The following TMEM232 variants were observed in gnomAD, a reference collection of about 807,000 sequenced individuals.
The protein encoded by TMEM232 is transmembrane protein 232.
Under a neutral mutation model 78.8 loss-of-function variants are expected in TMEM232, and 80 were observed. The observed-to-expected ratio is 1.01, with a 90% CI of 0.85 to 1.22. The LOEUF is 1.22. Among genes scored for constraint, TMEM232 ranks in the 50% most tolerant of loss-of-function variants. The probability of loss-of-function intolerance (pLI) is 0.00; values close to 1 mark genes in which losing one functional copy is unlikely to be tolerated. For synonymous variants in TMEM232, 297 were observed against 254.3 expected, an observed-to-expected ratio of 1.17 and a Z score of -1.60; for missense variants, 881 against 742.2, an observed-to-expected ratio of 1.19 and a Z score of -2.17.
intron 12 of TMEM232, among the ~76,000 whole-genome samples, chr5:110,440,067 T>C (rs980427823): frequency 1.3e-5 from 2 of 152,136 alleles, no homozygotes; most frequent in Admixed American, 1.3e-4. Context: ...GAAAACATAA[T>C]GTGCCCCCAG....
intron 4 of TMEM232, among the ~76,000 whole-genome samples, chr5:110,389,627 A>G (rs10040963): frequency 0.26 from 39,313 of 152,166 alleles, 8,599 homozygotes; most frequent in African/African-American, 0.59. Flanking sequence ...TTCACCATCA[A>G]TTGCACACAA....
chr5:110,729,373 C>G (rs1304489880), upstream of TMEM232, among the ~76,000 whole-genome samples: 1 of 152,160 alleles, frequency 6.6e-6, no homozygotes, highest in Non-Finnish European at 1.5e-5. Context: ...CATACCACCC[C>G]CTGCTCCCTA....
intron 12 of TMEM232, among the ~76,000 whole-genome samples, chr5:110,483,860 GCATGTT>G (rs532519125): frequency 5.5e-4 from 84 of 152,200 alleles, no homozygotes; most frequent in African/African-American, 1.9e-3. Context: ...ACATGCACTT[GCATGTT>G]CATTATAGCA....
intron 12 of TMEM232, among the ~76,000 whole-genome samples, chr5:110,491,775 G>T (rs1765122455): frequency 6.6e-6 from 1 of 151,640 alleles, no homozygotes; most frequent in Admixed American, 6.6e-5. Context: ...TCAAAATTTG[G>T]CCCTCTGCAA....
In TMEM232 at chr5:110,605,230, GA is replaced by G. The variant is rs1402161895; in HGVS notation, c.1154del (p.Phe385SerfsTer22). 6.4e-7 allele frequency: 1 copy of G among 1,551,138 alleles called. No homozygotes were observed. The highest frequency in any genetic ancestry group is 2.0e-5 in the Admixed American group (1 of 50,970). ...TTTTTTGTGAACTTTTACAGTGACA[GA>G]AACCAATTAAAGCAGTTTTTCGCAA... ...SDLRKTALIGFCHCKSSQKNI... is the reference protein window; with the variant it reads ...SDLRKTALIGXCHCKSSQKNI... On this transcript the variant is annotated frameshift_variant, in exon 10 of 14. Coordinates refer to ENST00000455884, the MANE Select transcript of TMEM232 (RefSeq NM_001039763.4). LOFTEE classifies it high-confidence loss of function.
At chr5:110,525,518 T>A (rs564838331) in intron 12 of TMEM232, among the ~76,000 whole-genome samples, 63 of 152,038 alleles carry the variant, frequency 4.1e-4, no homozygotes, top group African/African-American at 1.5e-3. Flanking sequence ...GAAAACATTT[T>A]AACACTACTG....
rs549361387 is a variant in TMEM232, at chr5:110,391,326, T to TGTGTGTGTGTGTGTGAGAGA, written n.391-687_391-686insTCTCTCACACACACACACAC. Among the ~76,000 whole-genome samples the TGTGTGTGTGTGTGTGAGAGA allele has an allele frequency of 4.5e-4, 63 of 139,920 alleles. 1 individual carries two copies. Among genetic ancestry groups the TGTGTGTGTGTGTGTGAGAGA allele is most frequent in the African/African-American group, 1.8e-3 (60 of 34,032 alleles). 91.8% of individuals were successfully genotyped at this position (139,920 alleles called of 152,430 possible). A position where few individuals can be genotyped will look rare whatever the true frequency, so the allele number is the denominator to read the frequency against. ...GTGTGTGTGTGTGTGTGTGTGTGTG[T>TGTGTGTGTGTGTGTGAGAGA]GAGAGAGAGAGAGAGAGAGAGAAAC... On this transcript the variant is annotated intron_variant and non_coding_transcript_variant, in intron 3 of 8. Coordinates refer to the TMEM232 transcript ENST00000507188.
intron 10 of TMEM232, among the ~76,000 whole-genome samples, chr5:110,595,142 T>C (rs1317299887): frequency 6.6e-6 from 1 of 151,998 alleles, no homozygotes; most frequent in African/African-American, 2.4e-5. Context: ...GGGTCTGGAG[T>C]GGACCTCCAG....
intron 11 of TMEM232, among the ~76,000 whole-genome samples, chr5:110,546,207 TA>T (rs966511080): frequency 1.3e-5 from 2 of 151,874 alleles, no homozygotes; most frequent in East Asian, 1.9e-4. Flanking sequence ...TTATCATGGA[TA>T]AAAAAACATA....
At chr5:110,530,908 C>T (rs570249785) in intron 11 of TMEM232, among the ~76,000 whole-genome samples, 24 of 152,158 alleles carry the variant, frequency 1.6e-4, no homozygotes, top group African/African-American at 5.5e-4. Flanking sequence ...TTAATTAGCT[C>T]AATTTGACCA....
chr5:110,690,062 G>A (rs1211518146), intron 1 of TMEM232, among the ~76,000 whole-genome samples: 7 of 152,150 alleles, frequency 4.6e-5, no homozygotes, highest in Non-Finnish European at 1.0e-4. Flanking sequence ...ATACCATTCA[G>A]GACATAGGCA....
chr5:110,423,396 T>C (rs951268355), intron 13 of TMEM232, among the ~76,000 whole-genome samples: 3 of 152,134 alleles, frequency 2.0e-5, no homozygotes, highest in African/African-American at 7.2e-5. Flanking sequence ...GCATAAAGTA[T>C]AAATACAAAA....
intron 12 of TMEM232, among the ~76,000 whole-genome samples, chr5:110,520,254 T>C (rs1397988489): frequency 6.6e-6 from 1 of 152,054 alleles, no homozygotes; most frequent in Non-Finnish European, 1.5e-5. Flanking sequence ...TGTATGCTTG[T>C]TTTAAAATAT....
At chr5:110,692,572 G>A (rs1162798040) in intron 1 of TMEM232, among the ~76,000 whole-genome samples, 2 of 152,202 alleles carry the variant, frequency 1.3e-5, no homozygotes, top group African/African-American at 2.4e-5. Context: ...GGTGACAGAT[G>A]GCACATGGAA....
chr5:110,442,950 G>A (rs916754464), intron 12 of TMEM232, among the ~76,000 whole-genome samples: 6 of 152,072 alleles, frequency 3.9e-5, no homozygotes, highest in African/African-American at 1.4e-4. Context: ...CTCTCTCTCT[G>A]TGCTAAGGCA....
chr5:110,722,788 G>A (rs1043090830), intron 1 of TMEM232, among the ~76,000 whole-genome samples: 5 of 152,180 alleles, frequency 3.3e-5, no homozygotes, highest in African/African-American at 1.2e-4. Context: ...GGCTACCACA[G>A]CCATAGTACT....
chr5:110,535,505 C>T lies in TMEM232; in HGVS notation c.1456-6670G>A, dbSNP rs74630889. ...CTGTTTAGTAGTCTCTTCACATGGA[C>T]GCGCATGAAGTGTATATTTTAAAAC... On this transcript the variant is annotated intron_variant, in intron 11 of 13. Coordinates refer to ENST00000455884, the MANE Select transcript of TMEM232 (RefSeq NM_001039763.4). 8.6e-3 allele frequency among the ~76,000 whole-genome samples: 1,316 copies of T among 152,194 alleles called. 10 individuals carry two copies. The highest frequency in any genetic ancestry group is 0.013 in the Non-Finnish European group (901 of 68,020).
chr5:110,580,854 G>C (rs771598842), intron 10 of TMEM232, among the ~76,000 whole-genome samples: 14 of 151,248 alleles, frequency 9.3e-5, no homozygotes, highest in Non-Finnish European at 1.9e-4. Flanking sequence ...AACCACAGTG[G>C]AATGAAACTA....
chr5:110,642,399 T>C, intron 2 of TMEM232, 28 bp from the exon 3 acceptor site: 1 of 1,455,450 alleles, frequency 6.9e-7, no homozygotes, highest in Non-Finnish European at 9.2e-7. Context: ...AAATTAACAT[T>C]TAAAAAGTAT....
Sources: allele counts gnomAD v4.1 joint callset (sites outside exome capture counted in the v4.1 genomes callset), GRCh38; gene constraint gnomAD v4.1.1; transcripts MANE v1.5; gene names NCBI Gene and HGNC (gene_info 2026-07-23, HGNC 2026-07-21).